Variants in KATNA1 observed in about 807,000 individuals in gnomAD.
KATNA1 encodes katanin catalytic subunit A1.
In KATNA1, 42 loss-of-function variants were observed where a neutral mutation model predicts 62.6. The observed-to-expected ratio is 0.67, with a 90% confidence interval of 0.52 to 0.87. The LOEUF is 0.87. Among genes scored for constraint, KATNA1 ranks in the 40% least tolerant of loss-of-function variants. KATNA1 has a pLI of 0.00. For missense variants in KATNA1, 498 were observed against 612.5 expected (o/e 0.81, Z 1.97); for synonymous variants, 186 against 201.9 (o/e 0.92, Z 0.67).
chr6:149,601,792 C>A, intron 6 of KATNA1, 40 bp from the exon 7 acceptor site: 1 of 1,452,050 alleles, frequency 6.9e-7, no homozygotes, highest in South Asian at 1.6e-5. Context: ...GATTTATCTG[C>A]CATTGTTCTA....
chr6:149,641,256 A>C (rs1780273899), intron 1 of KATNA1, among the ~76,000 whole-genome samples: 1 of 149,766 alleles, frequency 6.7e-6, no homozygotes, highest in Non-Finnish European at 1.5e-5. Context: ...GGCTCACTGC[A>C]AGCTCCGCCT....
intron 3 of KATNA1, among the ~76,000 whole-genome samples, chr6:149,627,789 A>C (rs1779676435): frequency 6.6e-6 from 1 of 151,822 alleles, no homozygotes; most frequent in South Asian, 2.1e-4. Flanking sequence ...GACCTAAATG[A>C]AAGAAGGGAA....
intron 7 of KATNA1, among the ~76,000 whole-genome samples, chr6:149,599,026 G>C (rs1245086612): frequency 6.6e-6 from 1 of 151,904 alleles, no homozygotes; most frequent in Non-Finnish European, 1.5e-5. Flanking sequence ...CACCACACCA[G>C]GCTTATTTTT....
At chr6:149,614,028 T>C (rs1162415252) in intron 4 of KATNA1, among the ~76,000 whole-genome samples, 1 of 152,214 alleles carries the variant, frequency 6.6e-6, no homozygotes, top group East Asian at 1.9e-4. Context: ...GATCTTGGAC[T>C]TCCTAACCTC....
At chr6:149,625,648 C>A (rs1333577776) in intron 3 of KATNA1, among the ~76,000 whole-genome samples, 1 of 150,976 alleles carries the variant, frequency 6.6e-6, no homozygotes, top group African/African-American at 2.4e-5. Flanking sequence ...AAAAGATACT[C>A]CTAGGCTGGG....
At chr6:149,611,764 T>C (rs943509693) in intron 4 of KATNA1, among the ~76,000 whole-genome samples, 10 of 151,040 alleles carry the variant, frequency 6.6e-5, no homozygotes, top group South Asian at 4.2e-4. Flanking sequence ...CTTTGGGAGG[T>C]CAAGGTGGGT....
intron 2 of KATNA1, 79 bp downstream of exon 2, chr6:149,638,307 A>C (rs1361689357): frequency 7.7e-7 from 1 of 1,303,070 alleles, no homozygotes; most frequent in East Asian, 2.3e-5. Context: ...ATGTAACTAC[A>C]TACAGCATTG....
intron 1 of KATNA1, among the ~76,000 whole-genome samples, chr6:149,645,456 C>CA (rs201041700): frequency 0.42 from 51,844 of 123,652 alleles, 10,016 homozygotes; most frequent in East Asian, 0.79. Context: ...AAACAAAAAA[C>CA]AAAAAAAAAA....
chr6:149,638,209 A>C (rs1386192804), intron 2 of KATNA1, among the ~76,000 whole-genome samples, 177 bp downstream of exon 2: 1 of 152,152 alleles, frequency 6.6e-6, no homozygotes, highest in Non-Finnish European at 1.5e-5. Context: ...CCTGGCCTCA[A>C]GTGATCCTTC....
intron 5 of KATNA1, 73 bp downstream of exon 5, chr6:149,604,588 G>A: frequency 1.3e-6 from 2 of 1,493,862 alleles, no homozygotes. Context: ...TTCAGTACAT[G>A]CTCACATTTG....
At chr6:149,613,704 C>A in intron 4 of KATNA1, among the ~76,000 whole-genome samples, 1 of 152,106 alleles carries the variant, frequency 6.6e-6, no homozygotes, top group African/African-American at 2.4e-5. Context: ...CAGGGGGAAA[C>A]CTGGATAGTA....
chr6:149,637,116 T>C (rs1387530191), intron 2 of KATNA1, among the ~76,000 whole-genome samples: 1 of 151,918 alleles, frequency 6.6e-6, no homozygotes, highest in Non-Finnish European at 1.5e-5. Flanking sequence ...AGTTCTATTA[T>C]ACAAGGAATA....
chr6:149,628,217 C>T (rs890216786), intron 3 of KATNA1, among the ~76,000 whole-genome samples: 1 of 151,346 alleles, frequency 6.6e-6, no homozygotes, highest in Non-Finnish European at 1.5e-5. Context: ...CCTGCCTCAG[C>T]CTCCAGAGTA....
chr6:149,648,369 G>A (rs1021962969), intron 1 of KATNA1, 100 bp downstream of exon 1: 1 of 152,470 alleles, frequency 6.6e-6, no homozygotes, highest in African/African-American at 2.4e-5. Flanking sequence ...GCTCACGGAG[G>A]GTTGCGCGGC....
chr6:149,602,463 A>G (rs1209387277), intron 6 of KATNA1, among the ~76,000 whole-genome samples: 1 of 152,214 alleles, frequency 6.6e-6, no homozygotes, highest in Non-Finnish European at 1.5e-5. Flanking sequence ...GATTTTTACA[A>G]CTATTCATAC....
intron 10 of KATNA1, among the ~76,000 whole-genome samples, chr6:149,596,135 G>C (rs1471851725): frequency 6.6e-6 from 1 of 152,188 alleles, no homozygotes; most frequent in Non-Finnish European, 1.5e-5. Context: ...TCTTGAACTT[G>C]TAGCTTTCAA....
chr6:149,611,945 A>G (rs1778977953), intron 4 of KATNA1, among the ~76,000 whole-genome samples: 1 of 152,116 alleles, frequency 6.6e-6, no homozygotes, highest in South Asian at 2.1e-4. Context: ...GCTTGCAGTG[A>G]GCCAAGATCA....
At chr6:149,595,596 A>G (rs2115070168) in intron 10 of KATNA1, among the ~76,000 whole-genome samples, 1 of 152,286 alleles carries the variant, frequency 6.6e-6, no homozygotes, top group Non-Finnish European at 1.5e-5. Flanking sequence ...CAAGAAAATT[A>G]AATATTTTCT....
intron 1 of KATNA1, among the ~76,000 whole-genome samples, chr6:149,642,041 T>C (rs1222858595): frequency 6.6e-6 from 1 of 152,208 alleles, no homozygotes; most frequent in Non-Finnish European, 1.5e-5. Flanking sequence ...TAGCTAGGAC[T>C]ACAGGCGCTC....
Sources: gnomAD v4.1 joint callset for allele counts (sites outside exome capture counted in the v4.1 genomes callset) on GRCh38, gnomAD v4.1.1 for gene constraint, MANE v1.5 for transcripts, NCBI Gene and HGNC (gene_info 2026-07-23, HGNC 2026-07-21) for gene names.